The following ITPR1 variants were observed in gnomAD, a reference collection of about 807,000 sequenced individuals.
The protein encoded by ITPR1 is inositol 1,4,5-trisphosphate-gated calcium channel ITPR1.
In ITPR1, 96 loss-of-function variants were observed where a neutral mutation model predicts 318.4. The ratio of observed to expected loss-of-function variants is 0.30; its 90% CI spans 0.26 to 0.36. ITPR1 has a LOEUF of 0.36. Among genes scored for constraint, ITPR1 ranks in the 10% least tolerant of loss-of-function variants. ITPR1 has a pLI of 1.00. For synonymous variants in ITPR1, 1,312 were observed against 1,289.9 expected (o/e 1.02, Z -0.37); for missense variants, 2,440 against 3,460.2 (o/e 0.71, Z 7.40).
chr3:4,669,331 C>T (rs1362534771), intron 18 of ITPR1, among the ~76,000 whole-genome samples: 1 of 152,216 alleles, frequency 6.6e-6, no homozygotes, highest in Non-Finnish European at 1.5e-5. Context: ...CAGGGCGTTG[C>T]CTCTCACCAC....
Position 4,795,087 on chromosome 3 carries a change from T to C in ITPR1, c.6831T>C (p.Cys2277=), listed in dbSNP as rs1484972072. 3 of 1,613,610 alleles carry C rather than the reference T, an allele frequency of 1.9e-6. No individual in the cohort carries two copies. Among genetic ancestry groups the C allele is most frequent in the Admixed American group, 1.7e-5 (1 of 59,986 alleles). ...KLRAQPVLYW[C]ARNMSFWSSI... ...CAGCCCAGCCCGTGTTGTACTGGTGTGCCCGCAACATGTCTTTCTGGAGCA... is the reference window on the plus strand; with the variant it reads ...CAGCCCAGCCCGTGTTGTACTGGTGCGCCCGCAACATGTCTTTCTGGAGCA... The change falls in exon 53 of 62, where the codon TGT becomes TGC. Residue 2277 remains cysteine, a synonymous_variant. Coordinates refer to ENST00000649015, the MANE Select transcript of ITPR1 (RefSeq NM_001378452.1).
At chr3:4,733,307 T>A in intron 43 of ITPR1, 87 bp downstream of exon 43, 1 of 1,466,750 alleles carries the variant, frequency 6.8e-7, no homozygotes, top group Non-Finnish European at 9.4e-7. Flanking sequence ...GTTGAAATGC[T>A]CACAACAGAT....
At chr3:4,796,526 G>A (rs1010430839) in intron 53 of ITPR1, among the ~76,000 whole-genome samples, 1 of 152,144 alleles carries the variant, frequency 6.6e-6, no homozygotes, top group Non-Finnish European at 1.5e-5. Context: ...TGTTCCTCAC[G>A]GCAGATTATT....
intron 4 of ITPR1, among the ~76,000 whole-genome samples, chr3:4,585,744 C>T (rs2089825155): frequency 6.6e-6 from 1 of 150,722 alleles, no homozygotes. Flanking sequence ...GCCTAACATG[C>T]ACTTTTTTTT....
In ITPR1 at chr3:4,658,996, A is replaced by G. The variant is rs544855612; in HGVS notation, c.1151+718A>G. Among the ~76,000 whole-genome samples the G allele has an allele frequency of 7.9e-5, 12 of 152,334 alleles. No homozygotes were observed. In the East Asian group the frequency reaches 1.2e-3, roughly 15 times the overall value. On this transcript the variant is annotated intron_variant, in intron 13 of 61. Coordinates refer to ENST00000649015, the MANE Select transcript of ITPR1 (RefSeq NM_001378452.1). ...GTATTGCTATCACCCTTTCTTGTAG[A>G]TGAAGAAGCTGAGGCTCAGAGAGTT... is the stretch of plus-strand genomic sequence containing the variant.
At chr3:4,535,006 A>T (rs771480493) in intron 4 of ITPR1, among the ~76,000 whole-genome samples, 1 of 152,236 alleles carries the variant, frequency 6.6e-6, no homozygotes, top group Non-Finnish European at 1.5e-5. Flanking sequence ...AATAACATAC[A>T]GTTAGAAAGA....
chr3:4,625,086 G>A (rs376936153), intron 4 of ITPR1, among the ~76,000 whole-genome samples: 1 of 152,076 alleles, frequency 6.6e-6, no homozygotes, highest in Non-Finnish European at 1.5e-5. Flanking sequence ...TTCAGTAGAT[G>A]GATTAGATTC....
At position 4,725,666 on chromosome 3, in the gene ITPR1, G is replaced by A. The variant is rs878985990; in HGVS notation, c.5172+85G>A. On this transcript the variant is annotated intron_variant, in intron 41 of 61. Coordinates refer to ENST00000649015, the MANE Select transcript of ITPR1 (RefSeq NM_001378452.1). ...GTCCTGGTTGGGTGTCTGAATTGTT[G>A]TAACAAAAAGTCTCTCCCGGTGGTA... 7.4e-6 allele frequency: 9 copies of A among 1,213,772 alleles called. No individual in the cohort carries two copies. In the Admixed American group the frequency reaches 1.6e-4, roughly 21 times the overall value. 75.2% of individuals were successfully genotyped at this position (1,213,772 alleles called of 1,614,324 possible).
chr3:4,742,740 C>CG (rs201731570), intron 44 of ITPR1, among the ~76,000 whole-genome samples: 3,585 of 152,216 alleles, frequency 0.024, 61 homozygotes, highest in South Asian at 0.053. Context: ...ACTATAGGTG[C>CG]GGACCACCAT....
chr3:4,831,141 A>ACACACACACT, intron 60 of ITPR1: 1 of 376,338 alleles, frequency 2.7e-6, no homozygotes, highest in Non-Finnish European at 5.2e-6. Flanking sequence ...TCACACACAC[A>ACACACACACT]CACACACACA....
At chr3:4,621,076 T>TTCCTCTCCCCACAATCCCAC (rs1311709610) in intron 4 of ITPR1, among the ~76,000 whole-genome samples, 81 of 152,246 alleles carry the variant, frequency 5.3e-4, no homozygotes, top group Non-Finnish European at 7.9e-4. Flanking sequence ...TCGGTGTCCA[T>TTCCTCTCCCCACAATCCCAC]TCCTCTCCCC....
intron 4 of ITPR1, among the ~76,000 whole-genome samples, chr3:4,590,340 A>G (rs897025211): frequency 1.3e-5 from 2 of 151,652 alleles, no homozygotes; most frequent in African/African-American, 2.4e-5. Context: ...TGATACCTGG[A>G]ACAGTGTCTG....
chr3:4,673,478 G>GTTGAATCTTAGAAGAAAGA, intron 21 of ITPR1, 91 bp downstream of exon 21: 1 of 1,274,714 alleles, frequency 7.8e-7, no homozygotes, highest in Non-Finnish European at 1.0e-6. Context: ...GAAGAAAGAT[G>GTTGAATCTTAGAAGAAAGA]AAGTGTTGGT....
At chr3:4,758,923 G>A (rs1054451661) in intron 44 of ITPR1, among the ~76,000 whole-genome samples, 4 of 152,204 alleles carry the variant, frequency 2.6e-5, no homozygotes, top group East Asian at 1.9e-4. Context: ...GTTATGAAAC[G>A]TTAGGTGTCA....
At chr3:4,722,007 G>T (rs2042198940) in intron 40 of ITPR1, among the ~76,000 whole-genome samples, 1 of 152,162 alleles carries the variant, frequency 6.6e-6, no homozygotes, top group South Asian at 2.1e-4. Flanking sequence ...ATTATGTGTT[G>T]CAAGTGAGTA....
intron 4 of ITPR1, among the ~76,000 whole-genome samples, chr3:4,523,969 C>T (rs2082765792): frequency 6.6e-6 from 1 of 152,216 alleles, no homozygotes; most frequent in Non-Finnish European, 1.5e-5. Context: ...CCTGGTTCTA[C>T]AGGTGGTCAC....
At chr3:4,547,027 T>G (rs2085086838) in intron 4 of ITPR1, among the ~76,000 whole-genome samples, 1 of 152,150 alleles carries the variant, frequency 6.6e-6, no homozygotes. Context: ...TCTGGGCCTT[T>G]GCTGCTTCAT....
Position 4,658,190 on chromosome 3 carries a change from C to T in ITPR1, c.1063C>T (p.Leu355=). The change falls in exon 13 of 62, where the codon CTG becomes TTG. Residue 355 remains leucine (L), a synonymous_variant. Coordinates refer to ENST00000649015, the MANE Select transcript of ITPR1 (RefSeq NM_001378452.1). ...RNAQEKMVYS[L]VSVPEGNDIS... is the part of the protein sequence containing the mutation. Reference sequence around the variant, plus strand: ...TGCCCAAGAAAAGATGGTATACTCCCTGGTCTCTGTGCCTGAAGGCAATGA... The same window carrying T: ...TGCCCAAGAAAAGATGGTATACTCCTTGGTCTCTGTGCCTGAAGGCAATGA... The T allele has an allele frequency of 1.9e-6, 3 of 1,613,734 alleles. No homozygotes were observed. The highest frequency in any genetic ancestry group is 2.5e-6 in the Non-Finnish European group (3 of 1,179,706).
chr3:4,830,375 G>A (rs982861673), intron 60 of ITPR1, among the ~76,000 whole-genome samples: 3 of 151,972 alleles, frequency 2.0e-5, no homozygotes, highest in African/African-American at 7.3e-5. Context: ...TTTTTGGAGG[G>A]TTTAGGTTTC....
Sources: allele counts gnomAD v4.1 joint callset (sites outside exome capture counted in the v4.1 genomes callset), GRCh38; gene constraint gnomAD v4.1.1; transcripts MANE v1.5; gene names NCBI Gene and HGNC (gene_info 2026-07-23, HGNC 2026-07-21).